Variants in UVRAG observed in about 807,000 individuals in gnomAD.
UVRAG encodes UV radiation resistance associated.
In UVRAG, 19 loss-of-function variants were observed where a neutral mutation model predicts 78.0. That is an observed-to-expected ratio of 0.24 (90% confidence interval 0.17 to 0.36). The LOEUF (loss-of-function observed/expected upper bound fraction) is 0.36. Among genes scored for constraint, UVRAG ranks in the 10% least tolerant of loss-of-function variants. UVRAG has a pLI of 1.00. For synonymous variants in UVRAG, 323 were observed against 324.6 expected (o/e 1.00, Z 0.05); for missense variants, 740 against 853.8 (o/e 0.87, Z 1.66).
chr11:76,135,984 T>C lies in UVRAG; in HGVS notation c.1398-4727T>C, dbSNP rs184813948. Among the ~76,000 whole-genome samples the C allele has an allele frequency of 9.8e-5, 15 of 152,358 alleles. No individual in the cohort carries two copies. In the East Asian group the frequency reaches 1.7e-3, roughly 18 times the overall value. On this transcript the variant is annotated intron_variant, in intron 14 of 14. Transcript: ENST00000356136. ...GTACTAATTGCATATGATGAGTAAA[T>C]TGTCAACAGCCTTTAAAAATTGGTC...
intron 1 of UVRAG, among the ~76,000 whole-genome samples, chr11:75,829,043 A>C (rs903581596): frequency 1.3e-5 from 2 of 151,742 alleles, no homozygotes; most frequent in African/African-American, 4.8e-5. Context: ...AGATGAGGAC[A>C]CTGTAGAGTT....
chr11:75,851,733 G>C, intron 1 of UVRAG, 150 bp from the exon 2 acceptor site: 2 of 643,296 alleles, frequency 3.1e-6, no homozygotes, highest in South Asian at 3.8e-5. Flanking sequence ...GGGATGCTGA[G>C]GCATAAATAA....
chr11:75,835,565 A>G (rs1303205429), intron 1 of UVRAG, among the ~76,000 whole-genome samples: 1 of 152,194 alleles, frequency 6.6e-6, no homozygotes, highest in Non-Finnish European at 1.5e-5. Flanking sequence ...GCAATGATCA[A>G]ATGAAATAAT....
intron 12 of UVRAG, among the ~76,000 whole-genome samples, chr11:76,039,894 TA>T (rs1185765823): frequency 1.3e-4 from 19 of 151,908 alleles, no homozygotes; most frequent in Admixed American, 1.2e-3. Context: ...AAAAAATAAA[TA>T]AAAAGGGTGA....
chr11:75,913,595 A>AT (rs1947782845), intron 6 of UVRAG, among the ~76,000 whole-genome samples: 1 of 152,222 alleles, frequency 6.6e-6, no homozygotes, highest in African/African-American at 2.4e-5. Flanking sequence ...TTCATGCATC[A>AT]GGGATGATAG....
At chr11:76,129,103 C>T (rs1952468940) in intron 14 of UVRAG, among the ~76,000 whole-genome samples, 1 of 152,170 alleles carries the variant, frequency 6.6e-6, no homozygotes, top group Non-Finnish European at 1.5e-5. Context: ...CTAACCTCTC[C>T]CATCTTAGAA....
intron 2 of UVRAG, among the ~76,000 whole-genome samples, chr11:75,857,014 G>A (rs150488743): frequency 6.6e-5 from 10 of 152,236 alleles, no homozygotes; most frequent in African/African-American, 1.9e-4. Context: ...GTCTTTCAGC[G>A]TATACTTTTG....
At chr11:76,042,280 A>G (rs1028712492) in intron 12 of UVRAG, among the ~76,000 whole-genome samples, 4 of 152,210 alleles carry the variant, frequency 2.6e-5, no homozygotes, top group African/African-American at 9.6e-5. Flanking sequence ...AACACTATGG[A>G]GTGAAAAAAA....
intron 1 of UVRAG, among the ~76,000 whole-genome samples, chr11:75,838,064 CACTG>C (rs1945823252): frequency 6.6e-6 from 1 of 152,110 alleles, no homozygotes; most frequent in Non-Finnish European, 1.5e-5. Flanking sequence ...ATGCTAAACA[CACTG>C]ACTGTATAAA....
intron 13 of UVRAG, among the ~76,000 whole-genome samples, chr11:76,108,200 T>C (rs1174097812): frequency 4.6e-5 from 7 of 152,188 alleles, no homozygotes; most frequent in Admixed American, 4.6e-4. Context: ...GACATGTGTG[T>C]GTGTTGTCTA....
intron 8 of UVRAG, among the ~76,000 whole-genome samples, chr11:76,002,395 G>A (rs1476460601): frequency 1.3e-5 from 2 of 152,120 alleles, no homozygotes; most frequent in South Asian, 2.1e-4. Context: ...GAGTTTTCTT[G>A]AGGGGAGGTC....
intron 8 of UVRAG, among the ~76,000 whole-genome samples, chr11:76,002,031 T>C (rs1199849133): frequency 1.3e-5 from 2 of 152,180 alleles, no homozygotes; most frequent in Non-Finnish European, 2.9e-5. Flanking sequence ...ATGGACATCA[T>C]TGCTTCCAGA....
At chr11:75,894,235 G>C (rs562267812) in intron 5 of UVRAG, among the ~76,000 whole-genome samples, 62 of 152,248 alleles carry the variant, frequency 4.1e-4, no homozygotes, top group African/African-American at 1.5e-3. Flanking sequence ...GTCACAATCT[G>C]TGGTGAGCAA....
intron 5 of UVRAG, among the ~76,000 whole-genome samples, chr11:75,896,805 T>C (rs1046810399): frequency 3.3e-5 from 5 of 152,212 alleles, no homozygotes; most frequent in African/African-American, 1.2e-4. Context: ...TATTTATTTT[T>C]ATGTAACTCA....
At chr11:75,943,202 G>A (rs1020970047) in intron 6 of UVRAG, among the ~76,000 whole-genome samples, 9 of 151,776 alleles carry the variant, frequency 5.9e-5, no homozygotes, top group Admixed American at 2.0e-4. Context: ...CTTTGGTAGC[G>A]TTTTTAGTTT....
intron 13 of UVRAG, among the ~76,000 whole-genome samples, chr11:76,075,997 T>A (rs906003902): frequency 6.6e-6 from 1 of 152,228 alleles, no homozygotes; most frequent in Non-Finnish European, 1.5e-5. Context: ...ATTTACGAGT[T>A]GATAGACTTT....
At chr11:76,079,264 A>G in intron 13 of UVRAG, among the ~76,000 whole-genome samples, 1 of 152,136 alleles carries the variant, frequency 6.6e-6, no homozygotes, top group Non-Finnish European at 1.5e-5. Context: ...CAGGAGGATC[A>G]CTTGAGCTCA....
At chr11:75,861,599 CAGATAA>C (rs1409869971) in intron 2 of UVRAG, 141 bp from the exon 3 acceptor site, 2 of 421,618 alleles carry the variant, frequency 4.7e-6, no homozygotes, top group Non-Finnish European at 8.3e-6. Context: ...TTTTTTTTAA[CAGATAA>C]AGATATAGAG....
intron 12 of UVRAG, among the ~76,000 whole-genome samples, chr11:76,046,204 T>C (rs536609100): frequency 1.3e-5 from 2 of 152,318 alleles, no homozygotes; most frequent in East Asian, 3.9e-4. Context: ...ATGAAAGTCC[T>C]ATGCACCTTT....
Sources: gnomAD v4.1 joint callset for allele counts (sites outside exome capture counted in the v4.1 genomes callset) on GRCh38, gnomAD v4.1.1 for gene constraint, MANE v1.5 for transcripts, NCBI Gene and HGNC (gene_info 2026-07-23, HGNC 2026-07-21) for gene names.